USP48: variants seen among roughly 807,000 people sequenced by gnomAD.
USP48 encodes ubiquitin specific peptidase 48.
A neutral mutation model predicts 150.7 loss-of-function variants in USP48; 43 were observed. The ratio of observed to expected loss-of-function variants is 0.29; its 90% CI spans 0.22 to 0.37. USP48 has a LOEUF of 0.37. Among genes scored for constraint, USP48 ranks in the 10% least tolerant of loss-of-function variants. The pLI, the probability that USP48 is intolerant of heterozygous loss-of-function variation, is 1.00. For missense variants in USP48, 813 were observed against 1,249.6 expected, an observed-to-expected ratio of 0.65 and a Z score of 5.27; for synonymous variants, 396 against 425.9, an observed-to-expected ratio of 0.93 and a Z score of 0.86.
chr1:21,758,941 G>T lies in USP48; in HGVS notation c.135-1158C>A, dbSNP rs188746986. Among the ~76,000 whole-genome samples, 647 of 152,246 alleles carry T rather than the reference G, an allele frequency of 4.2e-3. 1 individual carries two copies. The highest frequency in any genetic ancestry group is 0.024 in the Middle Eastern group (7 of 294). On this transcript the variant is annotated intron_variant, in intron 1 of 26. Coordinates refer to ENST00000308271, the MANE Select transcript of USP48 (RefSeq NM_032236.8). ...AATCCTAGCCCTTTGGGAGGCCAAGGCAGGAGGATCACTTGAGGTTAGGAG... is the reference window on the plus strand; with the variant it reads ...AATCCTAGCCCTTTGGGAGGCCAAGTCAGGAGGATCACTTGAGGTTAGGAG...
At chr1:21,716,038 A>G (rs2097703332) in intron 14 of USP48, among the ~76,000 whole-genome samples, 3 of 152,146 alleles carry the variant, frequency 2.0e-5, no homozygotes, top group Non-Finnish European at 2.9e-5. Context: ...CTTAACTCAC[A>G]CTGTGGCCAT....
At chr1:21,702,275 G>A (rs891695779) in intron 21 of USP48, among the ~76,000 whole-genome samples, 4 of 152,058 alleles carry the variant, frequency 2.6e-5, no homozygotes, top group African/African-American at 9.7e-5. Context: ...TAAAAAATGT[G>A]TTTGGAAACA....
chr1:21,767,574 C>T lies in USP48; in HGVS notation c.135-9791G>A. 1.3e-5 allele frequency among the ~76,000 whole-genome samples: 2 copies of T among 151,836 alleles called. 1 individual carries two copies. The highest frequency in any genetic ancestry group is 3.9e-4 in the East Asian group (2 of 5,164). On this transcript the variant is annotated intron_variant, in intron 1 of 26. Transcript: ENST00000308271. ...TCCTAACCTCGTGACCTGCCCACCT[C>T]GGCCTCCCAAAGTGCTGGGATTACA... is the stretch of plus-strand genomic sequence containing the variant.
intron 25 of USP48, chr1:21,685,887 T>G (rs1233461966): frequency 6.9e-6 from 1 of 145,812 alleles, no homozygotes; most frequent in Non-Finnish European, 1.5e-5. Context: ...GAGGCCCAGG[T>G]GGCCAGATCA....
chr1:21,715,305 G>C, intron 15 of USP48, 84 bp downstream of exon 15: 1 of 1,040,224 alleles, frequency 9.6e-7, no homozygotes, highest in Non-Finnish European at 1.4e-6. Context: ...AGATGTGAGA[G>C]ATACTGGCAT....
chr1:21,726,846 T>C (rs1028266847), intron 11 of USP48, among the ~76,000 whole-genome samples: 1 of 152,152 alleles, frequency 6.6e-6, no homozygotes, highest in African/African-American at 2.4e-5. Context: ...AACTCTCCTA[T>C]TATCAAGCTG....
rs1339611313 is a variant in USP48, at chr1:21,783,120, C to G, written c.-163G>C. 3.6e-6 allele frequency: 4 copies of G among 1,096,170 alleles called. No individual in the cohort carries two copies. Among genetic ancestry groups the G allele is most frequent in the Middle Eastern group, 6.5e-4 (2 of 3,088 alleles). The allele number at this position is 1,096,170 out of a possible 1,614,324, so 67.9% of individuals were successfully genotyped here. A position where few individuals can be genotyped will look rare whatever the true frequency, so the allele number is the denominator to read the frequency against. On this transcript the variant is annotated 5_prime_UTR_variant, in exon 1 of 27. Transcript: ENST00000308271. The stretch of plus-strand genomic sequence containing the variant: ...CTGTGCGCGCCACTGCCGCCGCGCC[C>G]GCCCGCGCCCGACCCGCACGACCGG...
At chr1:21,702,688 A>G (rs2097660622) in intron 21 of USP48, among the ~76,000 whole-genome samples, 1 of 152,164 alleles carries the variant, frequency 6.6e-6, no homozygotes, top group South Asian at 2.1e-4. Context: ...CTGATAGTGT[A>G]TGGTCGTTCA....
intron 8 of USP48, among the ~76,000 whole-genome samples, chr1:21,742,061 T>C (rs753612906): frequency 2.0e-5 from 3 of 152,192 alleles, no homozygotes. Flanking sequence ...ATACATGTTA[T>C]AATTTCTAGT....
rs116743580 is a variant in USP48 at position 21,769,028 on chromosome 1, C to T, written c.135-11245G>A. ...GTATTTAATTTTAAGTATTTGTGTTCGTTTTCCCCATGTATGTCTCCCTTT... is the reference window on the plus strand; with the variant it reads ...GTATTTAATTTTAAGTATTTGTGTTTGTTTTCCCCATGTATGTCTCCCTTT... On this transcript the variant is annotated intron_variant, in intron 1 of 26. Transcript: ENST00000308271. Among the ~76,000 whole-genome samples the T allele has an allele frequency of 2.6e-3, 390 of 152,226 alleles. 1 individual carries two copies. The highest frequency in any genetic ancestry group is 9.2e-3 in the African/African-American group (384 of 41,524).
intron 1 of USP48, among the ~76,000 whole-genome samples, chr1:21,759,341 A>T (rs1039862434): frequency 6.6e-6 from 1 of 152,120 alleles, no homozygotes; most frequent in African/African-American, 2.4e-5. Context: ...AAAGTAACTT[A>T]AACAGTTATC....
chr1:21,774,189 T>TAA (rs144144703), intron 1 of USP48, among the ~76,000 whole-genome samples: 1 of 102,850 alleles, frequency 9.7e-6, no homozygotes, highest in Non-Finnish European at 2.2e-5. Context: ...AAAATAATAA[T>TAA]AATAATAATA....
intron 1 of USP48, among the ~76,000 whole-genome samples, chr1:21,763,484 TTC>T (rs2097854796): frequency 6.6e-6 from 1 of 152,216 alleles, no homozygotes; most frequent in Admixed American, 6.5e-5. Flanking sequence ...GTTGTGTTTG[TTC>T]TCTTACTTGG....
At chr1:21,729,614 G>A in intron 10 of USP48, 90 bp downstream of exon 10, 1 of 1,409,660 alleles carries the variant, frequency 7.1e-7, no homozygotes, top group Non-Finnish European at 9.5e-7. Context: ...ATTTATCATA[G>A]TAACTAAAAG....
Position 21,775,259 on chromosome 1 carries a change from TTTGG to T in USP48, c.134+7561_134+7564del, listed in dbSNP as rs2097894817. 2.0e-5 allele frequency among the ~76,000 whole-genome samples: 3 copies of T among 151,668 alleles called. No individual in the cohort carries two copies. In the South Asian group the frequency reaches 6.3e-4, roughly 32 times the overall value. On this transcript the variant is annotated intron_variant, in intron 1 of 26. Coordinates refer to ENST00000308271, the MANE Select transcript of USP48 (RefSeq NM_032236.8). ...ATGGGTCCTCGTTAGGGTTATTTTG[TTTGG>T]TTGGTTGGTTTTTATTGAGACAGAG...
Position 21,706,232 on chromosome 1 carries a change from T to A in USP48, c.2212-45A>T, listed in dbSNP as rs770886330. 3.1e-6 allele frequency: 5 copies of A among 1,593,876 alleles called. No homozygotes were observed. The South Asian group carries it at 5.6e-5, about 18-fold the overall frequency. On this transcript the variant is annotated intron_variant, in intron 17 of 26. Transcript: ENST00000308271. ...AAACAGTATCCGTCAATTCACCGCC[T>A]GCTTAACACAAATTCCTTATAATAT... is the stretch of plus-strand genomic sequence containing the variant.
chr1:21,738,635 G>C (rs7541528), intron 8 of USP48, among the ~76,000 whole-genome samples: 90,480 of 151,302 alleles, frequency 0.6, 28,044 homozygotes, highest in East Asian at 0.74. Context: ...TGGGATTACA[G>C]GTGTGAGCCA....
chr1:21,748,814 G>C (rs1387837786), intron 6 of USP48, among the ~76,000 whole-genome samples: 4 of 152,138 alleles, frequency 2.6e-5, no homozygotes, highest in Non-Finnish European at 5.9e-5. Context: ...GGGAGGCTGA[G>C]ACACAAGAAT....
At chr1:21,690,984 G>A (rs2152500130) in intron 23 of USP48, among the ~76,000 whole-genome samples, 1 of 152,156 alleles carries the variant, frequency 6.6e-6, no homozygotes, top group East Asian at 1.9e-4. Context: ...TGAAGGGTAG[G>A]GACCATATGC....
Sources: allele counts gnomAD v4.1 joint callset (sites outside exome capture counted in the v4.1 genomes callset), GRCh38; gene constraint gnomAD v4.1.1; transcripts MANE v1.5; gene names NCBI Gene and HGNC (gene_info 2026-07-23, HGNC 2026-07-21).